NLGN1: variants seen among roughly 807,000 people sequenced by gnomAD.
NLGN1 encodes neuroligin-1.
Under a neutral mutation model 65.5 loss-of-function variants are expected in NLGN1, and 12 were observed. The observed-to-expected ratio is 0.18, with a 90% CI of 0.12 to 0.30. NLGN1 has a LOEUF of 0.30. Among genes scored for constraint, NLGN1 ranks in the 10% least tolerant of loss-of-function variants. The probability of loss-of-function intolerance (pLI) is 1.00; values close to 1 mark genes in which losing one functional copy is unlikely to be tolerated. For synonymous variants in NLGN1, 350 were observed against 359.5 expected (o/e 0.97, Z 0.30); for missense variants, 750 against 1,007.1 (o/e 0.74, Z 3.46).
In NLGN1 at chr3:173,481,644, A is replaced by G. The variant is rs548653194; in HGVS notation, c.-321+46566A>G. Among the ~76,000 whole-genome samples the G allele has an allele frequency of 8.5e-4, 124 of 145,962 alleles. 4 individuals are homozygous for G. In the South Asian group the frequency reaches 0.023, roughly 27 times the overall value. Reference sequence around the variant, plus strand: ...TTTGAAAATTCAAGTAATTTATTATATCAGATAATATTATGGTCATTGTTA... The same window carrying G: ...TTTGAAAATTCAAGTAATTTATTATGTCAGATAATATTATGGTCATTGTTA... On this transcript the variant is annotated intron_variant, in intron 2 of 6. Transcript: ENST00000457714.
At chr3:173,682,381 A>T (rs1764064360) in intron 3 of NLGN1, among the ~76,000 whole-genome samples, 1 of 152,020 alleles carries the variant, frequency 6.6e-6, no homozygotes, top group Admixed American at 6.6e-5. Context: ...CGAGGTCAAG[A>T]GATCGAGACC....
chr3:174,135,970 T>C (rs868661958), intron 4 of NLGN1, among the ~76,000 whole-genome samples: 1 of 152,132 alleles, frequency 6.6e-6, no homozygotes, highest in Non-Finnish European at 1.5e-5. Context: ...GCCGCTGTTA[T>C]TAAATTTTAA....
chr3:173,399,330 A>G (rs928761543), intron 1 of NLGN1, among the ~76,000 whole-genome samples: 5 of 152,214 alleles, frequency 3.3e-5, no homozygotes, highest in African/African-American at 1.2e-4. Flanking sequence ...AGATTCTACT[A>G]GAGTTCCAGT....
At chr3:173,967,080 A>G (rs1191728858) in intron 4 of NLGN1, among the ~76,000 whole-genome samples, 1 of 152,240 alleles carries the variant, frequency 6.6e-6, no homozygotes, top group African/African-American at 2.4e-5. Flanking sequence ...GGACATCGGC[A>G]TGGAAGTCAA....
intron 4 of NLGN1, among the ~76,000 whole-genome samples, chr3:173,987,129 A>G (rs1720120294): frequency 6.6e-6 from 1 of 152,198 alleles, no homozygotes; most frequent in Non-Finnish European, 1.5e-5. Flanking sequence ...GAAACAGGTA[A>G]TATAGAAAAT....
chr3:173,840,111 AT>A (rs897239464), intron 4 of NLGN1, among the ~76,000 whole-genome samples: 1 of 152,164 alleles, frequency 6.6e-6, no homozygotes, highest in African/African-American at 2.4e-5. Context: ...CCATTATTGC[AT>A]TTTATTGGAC....
intron 3 of NLGN1, among the ~76,000 whole-genome samples, chr3:173,697,165 T>A (rs1766345617): frequency 6.6e-6 from 1 of 152,292 alleles, no homozygotes; most frequent in East Asian, 1.9e-4. Context: ...CACTAACATA[T>A]AGATACATGT....
intron 4 of NLGN1, among the ~76,000 whole-genome samples, chr3:174,258,903 A>G (rs1252266372): frequency 6.6e-6 from 1 of 152,036 alleles, no homozygotes; most frequent in African/African-American, 2.4e-5. Context: ...GGAGAGTAAA[A>G]GGTATTATGT....
intron 2 of NLGN1, among the ~76,000 whole-genome samples, chr3:173,588,675 T>C (rs747534414): frequency 3.9e-5 from 6 of 152,212 alleles, no homozygotes; most frequent in Non-Finnish European, 8.8e-5. Context: ...TTCTAGTCAA[T>C]GGCAAAGCGC....
chr3:173,471,157 G>A (rs1411692478), intron 2 of NLGN1, among the ~76,000 whole-genome samples: 2 of 152,130 alleles, frequency 1.3e-5, no homozygotes, highest in African/African-American at 4.8e-5. Context: ...AAGTACTACT[G>A]TTGCCTCGGG....
intron 4 of NLGN1, among the ~76,000 whole-genome samples, chr3:174,033,331 C>T (rs1388085036): frequency 6.6e-6 from 1 of 152,136 alleles, no homozygotes; most frequent in African/African-American, 2.4e-5. Flanking sequence ...AAACATCTAA[C>T]TCCTAGCCAA....
chr3:173,583,699 G>C (rs968418439), intron 2 of NLGN1, among the ~76,000 whole-genome samples: 1 of 152,108 alleles, frequency 6.6e-6, no homozygotes, highest in Admixed American at 6.5e-5. Flanking sequence ...GGAGCCTGTC[G>C]GAAATGCTAG....
chr3:173,975,964 G>A (rs148389141), intron 4 of NLGN1, among the ~76,000 whole-genome samples: 179 of 152,060 alleles, frequency 1.2e-3, no homozygotes, highest in African/African-American at 4.0e-3. Flanking sequence ...TATAGCATTG[G>A]TAGATCTGCA....
intron 3 of NLGN1, among the ~76,000 whole-genome samples, chr3:173,698,686 C>A (rs961295984): frequency 6.6e-6 from 1 of 152,018 alleles, no homozygotes; most frequent in African/African-American, 2.4e-5. Context: ...ATTCTGTTGT[C>A]CATACATACA....
chr3:174,202,019 TTCC>T (rs924857716), intron 4 of NLGN1, among the ~76,000 whole-genome samples: 1 of 152,180 alleles, frequency 6.6e-6, no homozygotes, highest in Non-Finnish European at 1.5e-5. Context: ...TTCCCATTTC[TTCC>T]TCCTTCTTTC....
chr3:173,957,186 A>G (rs1712292003), intron 4 of NLGN1, among the ~76,000 whole-genome samples: 2 of 152,148 alleles, frequency 1.3e-5, no homozygotes, highest in African/African-American at 4.8e-5. Flanking sequence ...TTTCTGAGAA[A>G]ATCAAATGTG....
At chr3:174,273,521 T>G (rs1749892539) in intron 4 of NLGN1, among the ~76,000 whole-genome samples, 1 of 151,694 alleles carries the variant, frequency 6.6e-6, no homozygotes, top group Admixed American at 6.6e-5. Flanking sequence ...ATGCTTCTAT[T>G]TTGTATTTTA....
chr3:173,851,935 TG>T (rs1727006357), intron 4 of NLGN1, among the ~76,000 whole-genome samples: 2 of 152,160 alleles, frequency 1.3e-5, no homozygotes, highest in South Asian at 2.1e-4. Flanking sequence ...TGATGTCACT[TG>T]TTTTTTTTTT....
rs688356 is a variant in NLGN1, at chr3:173,474,831, G to T, written c.-321+39753G>T. Among the ~76,000 whole-genome samples the T allele has an allele frequency of 1.3e-3, 194 of 151,990 alleles. 1 individual carries two copies. Among genetic ancestry groups the T allele is most frequent in the African/African-American group, 4.5e-3 (186 of 41,460 alleles). ...AAATTATCTGGGCATGGTGGTGCAC[G>T]CCTGTAATCCTGGCTACTCAGGAGG... is the stretch of plus-strand genomic sequence containing the variant. On this transcript the variant is annotated intron_variant, in intron 2 of 6. Transcript: ENST00000457714.
Sources: allele counts gnomAD v4.1 joint callset (sites outside exome capture counted in the v4.1 genomes callset), GRCh38; gene constraint gnomAD v4.1.1; transcripts MANE v1.5; gene names NCBI Gene and HGNC (gene_info 2026-07-23, HGNC 2026-07-21).